The following FLT3 variants were observed in gnomAD, a reference collection of about 807,000 sequenced individuals.
FLT3 encodes the protein receptor-type tyrosine-protein kinase FLT3.
FLT3 carries 46 observed loss-of-function variants against 126.6 expected under a neutral mutation model. The observed-to-expected ratio is 0.36, with a 90% CI of 0.29 to 0.46. The LOEUF is 0.46. Among genes scored for constraint, FLT3 ranks in the 20% least tolerant of loss-of-function variants. The probability of loss-of-function intolerance (pLI) is 1.00; values close to 1 mark genes in which losing one functional copy is unlikely to be tolerated. For missense variants in FLT3, 1,069 were observed against 1,190.3 expected, an observed-to-expected ratio of 0.90 and a Z score of 1.50; for synonymous variants, 404 against 434.4, an observed-to-expected ratio of 0.93 and a Z score of 0.87.
At chr13:28,034,783 C>A (rs902912121) in intron 12 of FLT3, among the ~76,000 whole-genome samples, 1 of 151,956 alleles carries the variant, frequency 6.6e-6, no homozygotes, top group African/African-American at 2.4e-5. Context: ...AGTGAAATCC[C>A]GTCTCTAAAA....
Position 28,015,361 on chromosome 13 carries a change from T to G in FLT3, c.2654-105A>C. 5 of 842,130 alleles carry G rather than the reference T, an allele frequency of 5.9e-6. No individual in the cohort carries two copies. The South Asian group carries it at 7.2e-5, about 12-fold the overall frequency. The allele number at this position is 842,130 out of a possible 1,614,324, so 52.2% of individuals were successfully genotyped here. ...GAGATCTGCCATGTGCCAGACACTGTTGCAGGCACACGGGCTGCGGCTGGG... is the reference window on the plus strand; with the variant it reads ...GAGATCTGCCATGTGCCAGACACTGGTGCAGGCACACGGGCTGCGGCTGGG... On this transcript the variant is annotated intron_variant, in intron 21 of 23. Transcript: ENST00000241453.
At chr13:28,013,164 C>CA (rs55740239) in intron 23 of FLT3, among the ~76,000 whole-genome samples, 60 of 152,054 alleles carry the variant, frequency 3.9e-4, no homozygotes, top group African/African-American at 1.1e-3. Flanking sequence ...ATGTCATTTT[C>CA]AAAAAAATCA....
At chr13:28,068,940 G>GT (rs915169499) in intron 2 of FLT3, among the ~76,000 whole-genome samples, 35 of 152,096 alleles carry the variant, frequency 2.3e-4, no homozygotes, top group African/African-American at 8.2e-4. Flanking sequence ...CTAAATATAT[G>GT]TTTTTAAAAT....
At chr13:28,096,302 C>T (rs775174466) in intron 1 of FLT3, among the ~76,000 whole-genome samples, 19 of 151,882 alleles carry the variant, frequency 1.3e-4, no homozygotes, top group East Asian at 9.7e-4. Flanking sequence ...TGCAGTGAGC[C>T]GAGACTGTAC....
chr13:28,069,323 G>T (rs1272519885), intron 2 of FLT3, among the ~76,000 whole-genome samples: 1 of 152,180 alleles, frequency 6.6e-6, no homozygotes, highest in Non-Finnish European at 1.5e-5. Flanking sequence ...CTTGGTAACT[G>T]ACCAAATGTG....
intron 1 of FLT3, among the ~76,000 whole-genome samples, chr13:28,087,501 T>C (rs1878753475): frequency 1.3e-5 from 2 of 152,212 alleles, no homozygotes; most frequent in South Asian, 4.1e-4. Context: ...TAGCCTTTTG[T>C]AGTTGTCATA....
intron 20 of FLT3, 33 bp downstream of exon 20, chr13:28,018,434 C>T (rs368721559): frequency 5.3e-5 from 85 of 1,610,976 alleles, no homozygotes; most frequent in South Asian, 1.1e-4. Context: ...ACAAAATAGC[C>T]GTATAAAAAT....
At chr13:28,030,294 C>T (rs946628969) in intron 15 of FLT3, among the ~76,000 whole-genome samples, 14 of 152,148 alleles carry the variant, frequency 9.2e-5, no homozygotes, top group African/African-American at 2.4e-4. Context: ...GACAGGGATT[C>T]GGGGCTTTAC....
intron 20 of FLT3, among the ~76,000 whole-genome samples, chr13:28,016,712 GATTA>G (rs1338734208): frequency 6.6e-6 from 1 of 152,162 alleles, no homozygotes; most frequent in African/African-American, 2.4e-5. Flanking sequence ...TGGTTAATTT[GATTA>G]ATTAAAGAAA....
intron 9 of FLT3, among the ~76,000 whole-genome samples, chr13:28,046,680 C>T (rs1242991949): frequency 6.6e-6 from 1 of 152,038 alleles, no homozygotes; most frequent in Non-Finnish European, 1.5e-5. Flanking sequence ...ACTGCAGCCT[C>T]GACCACCTGG....
In FLT3 at chr13:28,015,588, A is replaced by G. The variant is rs200175703; in HGVS notation, c.2653+2T>C. 4 of 1,589,156 alleles carry G rather than the reference A, an allele frequency of 2.5e-6. No individual in the cohort carries two copies. The South Asian group carries it at 3.3e-5, about 13-fold the overall frequency. ...AGGGAGGCCAGCAGCTGCCCAACTT[A>G]CCAAGTGAGAAGATTTCCCACAGTA... On this transcript the variant is annotated splice_donor_variant, in intron 21 of 23. Coordinates refer to ENST00000241453, the MANE Select transcript of FLT3 (RefSeq NM_004119.3). LOFTEE classifies it high-confidence loss of function.
chr13:28,050,388 G>A (rs1875329867), intron 5 of FLT3, among the ~76,000 whole-genome samples, 166 bp from the exon 6 acceptor site: 1 of 152,156 alleles, frequency 6.6e-6, no homozygotes, highest in Non-Finnish European at 1.5e-5. Flanking sequence ...GAGCTCAGAG[G>A]GGAGCTAGCT....
chr13:28,092,831 CA>C lies in FLT3; in HGVS notation c.43+7636del, dbSNP rs1169096638. Among the ~76,000 whole-genome samples the C allele has an allele frequency of 6.1e-3, 678 of 110,332 alleles. 3 individuals carry two copies. The highest frequency in any genetic ancestry group is 9.5e-3 in the Non-Finnish European group (499 of 52,554). 72.4% of individuals were successfully genotyped at this position (110,332 alleles called of 152,430 possible). A position where few individuals can be genotyped will look rare whatever the true frequency, so the allele number is the denominator to read the frequency against. On this transcript the variant is annotated intron_variant, in intron 1 of 23. Transcript: ENST00000241453. ...TGAAGGTCGCAATTAACTCACTTTC[CA>C]AAAAAAAAAAAAGCATGCTCACACA...
chr13:28,012,590 T>C (rs547889529), intron 23 of FLT3, among the ~76,000 whole-genome samples: 19 of 152,134 alleles, frequency 1.2e-4, no homozygotes, highest in Admixed American at 3.3e-4. Flanking sequence ...CACATCCAGC[T>C]CACAAGTTCC....
chr13:28,094,550 A>G (rs1488981877), intron 1 of FLT3, among the ~76,000 whole-genome samples: 1 of 152,046 alleles, frequency 6.6e-6, no homozygotes, highest in Non-Finnish European at 1.5e-5. Context: ...CCCACGTTAG[A>G]GTACAGTGGC....
chr13:28,037,399 A>C lies in FLT3; in HGVS notation c.1206-111T>G, dbSNP rs1288821802. On this transcript the variant is annotated intron_variant, in intron 9 of 23. Transcript: ENST00000241453. ...TCCTTGAAATGCTCCTCACTTGCTA[A>C]AGTTCACTGGAAAAGGAAATGTCCA... The C allele has an allele frequency of 7.3e-5, 51 of 698,144 alleles. No individual in the cohort carries two copies. In the East Asian group the frequency reaches 1.3e-3, roughly 17 times the overall value. 43.2% of individuals were successfully genotyped at this position (698,144 alleles called of 1,614,324 possible). A position where few individuals can be genotyped will look rare whatever the true frequency, so the allele number is the denominator to read the frequency against.
At position 28,038,507 on chromosome 13, in the gene FLT3, C is replaced by T. The variant is rs551606337; in HGVS notation, c.1206-1219G>A. ...TCGCTCTGTCTCCCAGGCTGGAGTG[C>T]AGTGGCGCTATCTCGGCTCACTGCA... On this transcript the variant is annotated intron_variant, in intron 9 of 23. Transcript: ENST00000241453. Among the ~76,000 whole-genome samples the T allele has an allele frequency of 5.9e-3, 882 of 150,440 alleles. 5 individuals are homozygous for T. Among genetic ancestry groups the T allele is most frequent in the Non-Finnish European group, 9.7e-3 (656 of 67,762 alleles).
intron 1 of FLT3, among the ~76,000 whole-genome samples, chr13:28,091,265 A>T (rs1176729812): frequency 2.8e-5 from 3 of 107,702 alleles, no homozygotes; most frequent in African/African-American, 1.1e-4. Context: ...TCTGTCGCCC[A>T]GGCTGGAGTG....
intron 1 of FLT3, among the ~76,000 whole-genome samples, chr13:28,083,722 CTTT>C (rs1216930250): frequency 6.6e-6 from 1 of 151,990 alleles, no homozygotes; most frequent in Non-Finnish European, 1.5e-5. Context: ...TAGTATGTGT[CTTT>C]TATTTTTTTT....
Sources: allele counts gnomAD v4.1 joint callset (sites outside exome capture counted in the v4.1 genomes callset), GRCh38; gene constraint gnomAD v4.1.1; transcripts MANE v1.5; gene names NCBI Gene and HGNC (gene_info 2026-07-23, HGNC 2026-07-21).